TMEM178A: variants seen among roughly 807,000 people sequenced by gnomAD.
The protein encoded by TMEM178A is transmembrane protein 178.
TMEM178A carries 12 observed loss-of-function variants against 29.1 expected under a neutral mutation model. The observed-to-expected ratio is 0.41, with a 90% CI of 0.26 to 0.67. The LOEUF (loss-of-function observed/expected upper bound fraction) is 0.67. Ranked by LOEUF, TMEM178A falls within the 30% of genes least tolerant of loss-of-function variation. TMEM178A has a pLI of 0.29. For missense variants in TMEM178A, 366 were observed against 419.1 expected (o/e 0.87, Z 1.11); for synonymous variants, 210 against 187.2 (o/e 1.12, Z -0.99).
At chr2:39,706,967 T>C in intron 2 of TMEM178A, 82 bp from the exon 3 acceptor site, 1 of 1,488,352 alleles carries the variant, frequency 6.7e-7, no homozygotes, top group Non-Finnish European at 9.0e-7. Flanking sequence ...ATTTTCACAA[T>C]GTATACAAAG....
chr2:39,714,226 G>A (rs921237839), intron 3 of TMEM178A, among the ~76,000 whole-genome samples: 3 of 152,108 alleles, frequency 2.0e-5, no homozygotes, highest in African/African-American at 7.2e-5. Context: ...GCATTTGTGG[G>A]AAGGGGGATG....
At chr2:39,689,233 T>G (rs572406447) in intron 1 of TMEM178A, among the ~76,000 whole-genome samples, 5 of 152,354 alleles carry the variant, frequency 3.3e-5, no homozygotes, top group South Asian at 4.1e-4. Context: ...TGCTAAAATG[T>G]GCAGCCTTTC....
At chr2:39,730,326 A>G in the TMEM178A span, among the ~76,000 whole-genome samples, 2 of 152,128 alleles carry the variant, frequency 1.3e-5, no homozygotes, top group African/African-American at 4.8e-5. Context: ...TTCTCAGAAA[A>G]AGGGGCTGAC....
chr2:39,671,086 G>A (rs1670390965), intron 1 of TMEM178A, among the ~76,000 whole-genome samples: 1 of 152,184 alleles, frequency 6.6e-6, no homozygotes, highest in Non-Finnish European at 1.5e-5. Flanking sequence ...AATAGAACAT[G>A]TTCTTGTAGT....
chr2:39,731,604 A>G, the TMEM178A span, among the ~76,000 whole-genome samples: 1 of 152,210 alleles, frequency 6.6e-6, no homozygotes, highest in African/African-American at 2.4e-5. Flanking sequence ...CATGAGGGAT[A>G]TCTACCGACA....
At chr2:39,694,701 A>C (rs550148474) in intron 1 of TMEM178A, among the ~76,000 whole-genome samples, 143 of 152,350 alleles carry the variant, frequency 9.4e-4, no homozygotes, top group African/African-American at 3.3e-3. Flanking sequence ...GTATGAAAAA[A>C]CTATATAAAA....
intron 1 of TMEM178A, among the ~76,000 whole-genome samples, chr2:39,695,800 C>T (rs1671514873): frequency 6.6e-6 from 1 of 151,980 alleles, no homozygotes; most frequent in Non-Finnish European, 1.5e-5. Context: ...TTCTGAGGGA[C>T]CGCGTGTGAT....
chr2:39,692,571 T>G (rs1671363554), intron 1 of TMEM178A, among the ~76,000 whole-genome samples: 1 of 152,064 alleles, frequency 6.6e-6, no homozygotes, highest in African/African-American at 2.4e-5. Context: ...ATGTTGGAGA[T>G]GAGGATGAAA....
chr2:39,716,917 G>A, intron 3 of TMEM178A, 93 bp from the exon 4 acceptor site: 1 of 1,433,160 alleles, frequency 7.0e-7, no homozygotes, highest in Non-Finnish European at 9.5e-7. Flanking sequence ...CTGCCTCAGT[G>A]GTTGATCTGA....
At chr2:39,695,296 C>T (rs1281149553) in intron 1 of TMEM178A, among the ~76,000 whole-genome samples, 1 of 152,020 alleles carries the variant, frequency 6.6e-6, no homozygotes, top group East Asian at 1.9e-4. Context: ...GAACCTTAAG[C>T]ATTAGTGGTA....
chr2:39,718,934 T>A (rs562443448), downstream of TMEM178A, among the ~76,000 whole-genome samples: 17 of 152,362 alleles, frequency 1.1e-4, no homozygotes, highest in African/African-American at 3.8e-4. Context: ...CTTTCTTCTT[T>A]ATAAAAACTG....
chr2:39,728,151 G>C, the TMEM178A span, among the ~76,000 whole-genome samples: 2 of 152,150 alleles, frequency 1.3e-5, no homozygotes, highest in African/African-American at 4.8e-5. Context: ...GACTTCCACA[G>C]TGGATGAACC....
At chr2:39,704,529 C>A (rs1028956408) in intron 2 of TMEM178A, among the ~76,000 whole-genome samples, 1 of 152,072 alleles carries the variant, frequency 6.6e-6, no homozygotes, top group African/African-American at 2.4e-5. Context: ...GGAGATTATA[C>A]CTTAGGGGCT....
chr2:39,720,293 C>G (rs1672675713), downstream of TMEM178A, among the ~76,000 whole-genome samples: 1 of 152,122 alleles, frequency 6.6e-6, no homozygotes, highest in South Asian at 2.1e-4. Context: ...AGTGTGCCCC[C>G]ACAAGTGAGC....
At chr2:39,678,584 G>A (rs541383189) in intron 1 of TMEM178A, among the ~76,000 whole-genome samples, 1 of 152,070 alleles carries the variant, frequency 6.6e-6, no homozygotes, top group East Asian at 1.9e-4. Flanking sequence ...TGCTTAATGG[G>A]TAAGTGATTT....
At chr2:39,729,106 T>G in the TMEM178A span, among the ~76,000 whole-genome samples, 1 of 152,016 alleles carries the variant, frequency 6.6e-6, no homozygotes, top group Non-Finnish European at 1.5e-5. Flanking sequence ...AAAATTAGAA[T>G]GCTCAATAGG....
the TMEM178A span, among the ~76,000 whole-genome samples, chr2:39,732,451 A>G: frequency 6.6e-6 from 1 of 152,036 alleles, no homozygotes; most frequent in Non-Finnish European, 1.5e-5. Context: ...CTCCCATCTG[A>G]TGAGGATGTG....
intron 1 of TMEM178A, among the ~76,000 whole-genome samples, chr2:39,686,963 ATG>A (rs4015737): frequency 0.069 from 8,255 of 120,000 alleles, 277 homozygotes; most frequent in Non-Finnish European, 0.089. Flanking sequence ...GCACATATGC[ATG>A]TGTGTGTGTG....
chr2:39,686,021 G>T (rs908380264), intron 1 of TMEM178A, among the ~76,000 whole-genome samples: 1 of 152,230 alleles, frequency 6.6e-6, no homozygotes, highest in African/African-American at 2.4e-5. Context: ...TTTCACCCCT[G>T]CACATTCGTG....
Sources: gnomAD v4.1 joint callset for allele counts (sites outside exome capture counted in the v4.1 genomes callset) on GRCh38, gnomAD v4.1.1 for gene constraint, MANE v1.5 for transcripts, NCBI Gene and HGNC (gene_info 2026-07-23, HGNC 2026-07-21) for gene names.